MTMR2: variants seen among roughly 807,000 people sequenced by gnomAD.
The protein encoded by MTMR2 is myotubularin related protein 2, also known as phosphatidylinositol-3,5-bisphosphate 3-phosphatase MTMR2.
In MTMR2, 55 loss-of-function variants were observed where a neutral mutation model predicts 86.9. The ratio of observed to expected loss-of-function variants is 0.63; its 90% confidence interval spans 0.51 to 0.79. The LOEUF is 0.79. MTMR2 is among the 30% of genes least tolerant of loss of function. The pLI, the probability that MTMR2 is intolerant of heterozygous loss-of-function variation, is 0.00. For synonymous variants in MTMR2, 241 were observed against 266.8 expected (o/e 0.90, Z 0.94); for missense variants, 659 against 772.3 (o/e 0.85, Z 1.74).
intron 14 of MTMR2, 26 bp downstream of exon 14, chr11:95,836,121 TC>T (rs1863264245): frequency 1.2e-6 from 2 of 1,601,724 alleles, no homozygotes; most frequent in African/African-American, 1.3e-5. Context: ...GAATGAAAAC[TC>T]CCATTGTATA....
intron 12 of MTMR2, among the ~76,000 whole-genome samples, chr11:95,840,695 T>C (rs533361616): frequency 1.3e-5 from 2 of 152,198 alleles, no homozygotes; most frequent in Non-Finnish European, 2.9e-5. Context: ...GTTAAATATA[T>C]AATTGATGAT....
At chr11:95,901,374 A>AT (rs968554927) in intron 1 of MTMR2, among the ~76,000 whole-genome samples, 11 of 152,126 alleles carry the variant, frequency 7.2e-5, no homozygotes, top group African/African-American at 1.9e-4. Flanking sequence ...TATACCAAAT[A>AT]TTTTTTAAAA....
intron 2 of MTMR2, among the ~76,000 whole-genome samples, chr11:95,881,301 G>T (rs889603800): frequency 6.6e-6 from 1 of 151,974 alleles, no homozygotes; most frequent in African/African-American, 2.4e-5. Context: ...CTGATTGGGT[G>T]AATCTCCCCA....
chr11:95,908,439 G>A (rs563908840), intron 1 of MTMR2, among the ~76,000 whole-genome samples: 134 of 152,030 alleles, frequency 8.8e-4, no homozygotes, highest in African/African-American at 2.9e-3. Flanking sequence ...GATTCAGTGT[G>A]ATTCCTACCA....
chr11:95,835,157 G>A lies in MTMR2; in HGVS notation c.*133C>T, dbSNP rs367677499. 6.2e-6 allele frequency: 6 copies of A among 960,972 alleles called. No homozygotes were observed. Among genetic ancestry groups the A allele is most frequent in the Admixed American group, 6.0e-5 (3 of 49,626 alleles). The allele number at this position is 960,972 out of a possible 1,614,324, so 59.5% of individuals were successfully genotyped here. On this transcript the variant is annotated 3_prime_UTR_variant, in exon 15 of 15. Transcript: ENST00000346299. ...CTGCTACAGTTCTAAACTCATCCTA[G>A]AGAGATTTAAAATAAATAAAGTGAC...
At chr11:95,920,658 T>C (rs1222043097) in intron 1 of MTMR2, among the ~76,000 whole-genome samples, 1 of 151,790 alleles carries the variant, frequency 6.6e-6, no homozygotes, top group African/African-American at 2.4e-5. Flanking sequence ...TACAGATACT[T>C]AGTAAGACTC....
At chr11:95,912,617 T>A (rs1447084731) in intron 1 of MTMR2, among the ~76,000 whole-genome samples, 1 of 151,846 alleles carries the variant, frequency 6.6e-6, no homozygotes, top group Non-Finnish European at 1.5e-5. Context: ...ATACCATACA[T>A]AATACAATAT....
chr11:95,870,731 C>CTTTTTTTTTTTTTT (rs1158293839), intron 2 of MTMR2, among the ~76,000 whole-genome samples: 6 of 129,974 alleles, frequency 4.6e-5, no homozygotes, highest in African/African-American at 1.8e-4. Context: ...TTCTTTTTTT[C>CTTTTTTTTTTTTTT]TTTTTCTTTT....
chr11:95,839,920 T>G (rs1009323469), intron 12 of MTMR2: 2 of 152,206 alleles, frequency 1.3e-5, no homozygotes, highest in African/African-American at 4.8e-5. Context: ...TTTAAACTGA[T>G]TTTCTTTTAT....
chr11:95,850,755 T>TATA lies in MTMR2; in HGVS notation c.655-7_655-6insTAT, dbSNP rs754296776. The TATA allele has an allele frequency of 1.2e-6, 2 of 1,612,928 alleles. No homozygotes were observed. Among genetic ancestry groups the TATA allele is most frequent in the Non-Finnish European group, 1.7e-6 (2 of 1,179,016 alleles). On this transcript the variant is annotated splice_region_variant and splice_polypyrimidine_tract_variant and intron_variant, in intron 7 of 14. Transcript: ENST00000346299. ...CAGCTTTCATTTGGAATTCCCTACA[T>TATA]GTGAAATGAAACATAAGACAAATTA...
rs139444649 is a variant in MTMR2, at chr11:95,872,409, C to T, written c.187-6733G>A. Among the ~76,000 whole-genome samples the T allele has an allele frequency of 4.0e-3, 611 of 151,854 alleles. 7 individuals are homozygous for T. The East Asian group carries it at 0.056, about 14-fold the overall frequency. The stretch of plus-strand genomic sequence containing the variant: ...CTGTGAATGGGAGTTCATGATTTGG[C>T]TGTTTGTCTGTTATTGGTGTATAAG... On this transcript the variant is annotated intron_variant, in intron 2 of 14. Transcript: ENST00000346299.
At chr11:95,849,616 C>G in intron 9 of MTMR2, 58 bp downstream of exon 9, 1 of 1,517,032 alleles carries the variant, frequency 6.6e-7, no homozygotes, top group Non-Finnish European at 9.1e-7. Flanking sequence ...CACTGTGGCC[C>G]TGCCAAACTC....
At chr11:95,897,745 A>G (rs975126915) in intron 1 of MTMR2, among the ~76,000 whole-genome samples, 3 of 152,172 alleles carry the variant, frequency 2.0e-5, no homozygotes, top group African/African-American at 7.2e-5. Context: ...GAGACCTCCT[A>G]ACAATACATA....
rs191259390 is a variant in MTMR2, at chr11:95,858,467, C to G, written c.570+64G>C. Reference sequence around the variant, plus strand: ...ATGTAGAGATTCTAGACAGCCTAGACAAGTTTCTTTATACGACATCAATAA... The same window carrying G: ...ATGTAGAGATTCTAGACAGCCTAGAGAAGTTTCTTTATACGACATCAATAA... On this transcript the variant is annotated intron_variant, in intron 6 of 14. Coordinates refer to ENST00000346299, the MANE Select transcript of MTMR2 (RefSeq NM_016156.6). 296 of 1,073,726 alleles carry G rather than the reference C, an allele frequency of 2.8e-4. No homozygotes were observed. In the African/African-American group the frequency reaches 3.9e-3, roughly 14 times the overall value. The allele number at this position is 1,073,726 out of a possible 1,614,324, so 66.5% of individuals were successfully genotyped here.
At chr11:95,863,521 A>AT (rs2064024678) in intron 3 of MTMR2, among the ~76,000 whole-genome samples, 1 of 152,204 alleles carries the variant, frequency 6.6e-6, no homozygotes, top group Non-Finnish European at 1.5e-5. Flanking sequence ...TGAACCCATC[A>AT]TTATACAAAA....
chr11:95,867,189 T>C (rs1864645280), intron 2 of MTMR2, among the ~76,000 whole-genome samples: 1 of 152,174 alleles, frequency 6.6e-6, no homozygotes, highest in South Asian at 2.1e-4. Flanking sequence ...TGCTTTATTC[T>C]TTCCCCGGTC....
chr11:95,850,289 A>G (rs905735371), intron 8 of MTMR2, among the ~76,000 whole-genome samples: 1 of 151,646 alleles, frequency 6.6e-6, no homozygotes, highest in Non-Finnish European at 1.5e-5. Context: ...AAAAAAAAAG[A>G]ACATTTATCA....
intron 2 of MTMR2, among the ~76,000 whole-genome samples, chr11:95,879,097 A>C (rs943652651): frequency 5.3e-5 from 8 of 152,130 alleles, no homozygotes; most frequent in Non-Finnish European, 5.9e-5. Context: ...CCATGATCAT[A>C]ACATGATAAC....
At chr11:95,877,538 C>A (rs140024343) in intron 2 of MTMR2, among the ~76,000 whole-genome samples, 29 of 151,764 alleles carry the variant, frequency 1.9e-4, no homozygotes, top group Admixed American at 1.8e-3. Context: ...CCTCTAATAA[C>A]GTTGTTGAAG....
Sources: gnomAD v4.1 joint callset for allele counts (sites outside exome capture counted in the v4.1 genomes callset) on GRCh38, gnomAD v4.1.1 for gene constraint, MANE v1.5 for transcripts, NCBI Gene and HGNC (gene_info 2026-07-23, HGNC 2026-07-21) for gene names.